SLC24A4: variants seen among roughly 807,000 people sequenced by gnomAD.
SLC24A4 encodes the protein sodium/potassium/calcium exchanger 4.
SLC24A4 carries 53 observed loss-of-function variants against 79.0 expected under a neutral mutation model. That is an observed-to-expected ratio of 0.67 (90% CI 0.54 to 0.84). The LOEUF (loss-of-function observed/expected upper bound fraction) is 0.84. SLC24A4 is among the 40% of genes least tolerant of loss of function. The pLI is 0.00. For synonymous variants in SLC24A4, 323 were observed against 323.8 expected (o/e 1.00, Z 0.03); for missense variants, 731 against 822.0 (o/e 0.89, Z 1.35).
chr14:92,334,662 G>A (rs1885671908), intron 2 of SLC24A4, among the ~76,000 whole-genome samples: 1 of 152,172 alleles, frequency 6.6e-6, no homozygotes, highest in African/African-American at 2.4e-5. Context: ...GTTGGACATG[G>A]TGAAGGCAGA....
chr14:92,367,605 A>G (rs1448509449), intron 2 of SLC24A4, among the ~76,000 whole-genome samples: 6 of 152,254 alleles, frequency 3.9e-5, no homozygotes, highest in Non-Finnish European at 7.3e-5. Context: ...TACAAGAAAC[A>G]GAGCTGGAAA....
chr14:92,460,467 C>T (rs112846288), intron 12 of SLC24A4, among the ~76,000 whole-genome samples: 2,286 of 152,274 alleles, frequency 0.015, 26 homozygotes, highest in Middle Eastern at 0.054. Flanking sequence ...CTAGAAAGAT[C>T]GTAGGTTCCA....
chr14:92,441,445 G>A lies in SLC24A4; in HGVS notation c.394-644G>A, dbSNP rs1042127503. On this transcript the variant is annotated intron_variant, in intron 4 of 16. Transcript: ENST00000532405. The surrounding 1 kb of genome is among the most constrained non-coding windows in gnomAD (Gnocchi z 4.6). ...AACCAGTACCTCTGGGTCTTTGTGA[G>A]CCACTGGATGTCAGGCCTGCCGTGG... is the stretch of plus-strand genomic sequence containing the variant. Among the ~76,000 whole-genome samples the A allele has an allele frequency of 6.6e-6, 1 of 152,220 alleles. No homozygotes were observed.
At chr14:92,345,475 C>T (rs1476242113) in intron 2 of SLC24A4, among the ~76,000 whole-genome samples, 13 of 152,192 alleles carry the variant, frequency 8.5e-5, no homozygotes, top group East Asian at 5.8e-4. Context: ...CCAAGGCGGG[C>T]GGATCACTTG....
At chr14:92,375,827 G>A (rs554109573) in intron 2 of SLC24A4, among the ~76,000 whole-genome samples, 10 of 152,272 alleles carry the variant, frequency 6.6e-5, no homozygotes, top group African/African-American at 2.4e-4. Flanking sequence ...CTATAGTTGG[G>A]GAGTAACTGG....
At chr14:92,375,585 A>G (rs993795390) in intron 2 of SLC24A4, among the ~76,000 whole-genome samples, 3 of 152,264 alleles carry the variant, frequency 2.0e-5, no homozygotes, top group African/African-American at 7.2e-5. Context: ...TGGATAAATA[A>G]AATGTGCTAT....
intron 12 of SLC24A4, among the ~76,000 whole-genome samples, chr14:92,466,155 C>T (rs1452882515): frequency 6.6e-6 from 1 of 152,164 alleles, no homozygotes; most frequent in Non-Finnish European, 1.5e-5. Flanking sequence ...GGACAAGTTA[C>T]CTGACCTCTC....
chr14:92,403,222 C>T (rs11621361), intron 2 of SLC24A4, among the ~76,000 whole-genome samples: 30,733 of 151,998 alleles, frequency 0.2, 3,475 homozygotes, highest in Non-Finnish European at 0.24. Flanking sequence ...GGAAGGGCAG[C>T]GTGAATCTTT....
chr14:92,332,807 T>C (rs1009445284), intron 2 of SLC24A4, among the ~76,000 whole-genome samples: 2 of 152,366 alleles, frequency 1.3e-5, no homozygotes, highest in African/African-American at 4.8e-5. Flanking sequence ...ATAATGCCTG[T>C]GTGTGGTAAG....
At chr14:92,409,544 T>C (rs1483526192) in intron 2 of SLC24A4, among the ~76,000 whole-genome samples, 1 of 152,198 alleles carries the variant, frequency 6.6e-6, no homozygotes, top group Non-Finnish European at 1.5e-5. Flanking sequence ...ACACAGTACA[T>C]TTTCACAAAG....
At chr14:92,388,800 T>C (rs973444115) in intron 2 of SLC24A4, among the ~76,000 whole-genome samples, 3 of 152,206 alleles carry the variant, frequency 2.0e-5, no homozygotes, top group Admixed American at 6.5e-5. Context: ...ATGCAGGTAT[T>C]TGAGGCAAGG....
chr14:92,385,357 TA>T (rs1889092057), intron 2 of SLC24A4, among the ~76,000 whole-genome samples: 1 of 151,768 alleles, frequency 6.6e-6, no homozygotes, highest in Non-Finnish European at 1.5e-5. Context: ...ATACAAAAAT[TA>T]ACTGGGCGTG....
chr14:92,326,306 C>A (rs1264386113), intron 2 of SLC24A4, among the ~76,000 whole-genome samples: 1 of 151,956 alleles, frequency 6.6e-6, no homozygotes, highest in Non-Finnish European at 1.5e-5. Context: ...TGTTTTCTTC[C>A]CTTTTGCTCA....
At chr14:92,461,001 G>C (rs1453961476) in intron 12 of SLC24A4, among the ~76,000 whole-genome samples, 2 of 152,204 alleles carry the variant, frequency 1.3e-5, no homozygotes, top group Admixed American at 6.5e-5. Context: ...TGGGTAGGGG[G>C]AAAAAGAGGA....
At chr14:92,481,326 A>G (rs952894539) in intron 12 of SLC24A4, among the ~76,000 whole-genome samples, 1 of 152,154 alleles carries the variant, frequency 6.6e-6, no homozygotes, top group African/African-American at 2.4e-5. Flanking sequence ...TGGTTAACCT[A>G]TTGTTTGTCC....
At position 92,324,057 on chromosome 14, in the gene SLC24A4, C is replaced by G. The variant is rs1389766885; in HGVS notation, c.130+97C>G. The G allele has an allele frequency of 7.4e-6, 11 of 1,482,924 alleles. No individual in the cohort carries two copies. The East Asian group carries it at 2.3e-4, about 30-fold the overall frequency. 91.9% of individuals were successfully genotyped at this position (1,482,924 alleles called of 1,614,324 possible). A position where few individuals can be genotyped will look rare whatever the true frequency, so the allele number is the denominator to read the frequency against. ...GAGATGTTTTCCCCTCCTTCCTCAT[C>G]AGGTTGGTCCCAAGGGTTCATCCAG... On this transcript the variant is annotated intron_variant, in intron 1 of 16. Transcript: ENST00000532405.
chr14:92,445,260 C>T (rs1892734291), intron 7 of SLC24A4, 57 bp from the exon 8 acceptor site: 1 of 1,605,858 alleles, frequency 6.2e-7, no homozygotes, highest in African/African-American at 1.3e-5. Context: ...CGTGCTTGTT[C>T]TTGTTTGGAA....
chr14:92,453,862 A>G, intron 10 of SLC24A4, 38 bp from the exon 11 acceptor site: 1 of 1,559,388 alleles, frequency 6.4e-7, no homozygotes, highest in Non-Finnish European at 8.7e-7. Context: ...TGTTGTCCTC[A>G]GAGAGATCAG....
intron 1 of SLC24A4, among the ~76,000 whole-genome samples, chr14:92,324,251 C>T (rs2141581939): frequency 6.6e-6 from 1 of 152,312 alleles, no homozygotes; most frequent in Admixed American, 6.5e-5. Flanking sequence ...CGGGAGTGCG[C>T]CCGGAATGGG....
Sources: gnomAD v4.1 joint callset for allele counts (sites outside exome capture counted in the v4.1 genomes callset) on GRCh38, gnomAD v4.1.1 for gene constraint, Gnocchi (gnomAD v3.1) non-coding constraint, MANE v1.5 for transcripts, NCBI Gene and HGNC (gene_info 2026-07-23, HGNC 2026-07-21) for gene names.